The following FAM186B variants were observed in gnomAD, a reference collection of about 807,000 sequenced individuals.
FAM186B encodes the protein family with sequence similarity 186 member B.
Under a neutral mutation model 83.4 loss-of-function variants are expected in FAM186B, and 68 were observed. That is an observed-to-expected ratio of 0.81 (90% confidence interval 0.67 to 1.00). The LOEUF is 1.00. FAM186B is among the 50% of genes least tolerant of loss of function. FAM186B has a pLI of 0.00. For missense variants in FAM186B, 983 were observed against 1,099.2 expected, an observed-to-expected ratio of 0.89 and a Z score of 1.49; for synonymous variants, 389 against 422.0, an observed-to-expected ratio of 0.92 and a Z score of 0.96.
intron 5 of FAM186B, chr12:49,593,265 CA>C (rs1403456971): frequency 6.7e-6 from 1 of 150,114 alleles, no homozygotes; most frequent in Non-Finnish European, 1.5e-5. Context: ...GTATACCATG[CA>C]AATAGTAAAA....
chr12:49,589,832 T>C (rs1189714756), intron 5 of FAM186B, among the ~76,000 whole-genome samples: 1 of 151,764 alleles, frequency 6.6e-6, no homozygotes. Flanking sequence ...AATACAAAAA[T>C]TAGCTGGGTG....
intron 5 of FAM186B, among the ~76,000 whole-genome samples, chr12:49,596,500 A>T (rs1308459496): frequency 6.6e-6 from 1 of 152,062 alleles, no homozygotes; most frequent in East Asian, 1.9e-4. Context: ...AAAAAAAGAC[A>T]TAAAAATGGC....
At chr12:49,584,747 A>C (rs996943858), downstream of FAM186B, 4 of 627,324 alleles carry the variant, frequency 6.4e-6, no homozygotes, top group Non-Finnish European at 1.1e-5. Flanking sequence ...TGGACACAGA[A>C]CTGCTCAACA....
In FAM186B at chr12:49,600,615, G is replaced by C; in HGVS notation, c.1025C>G (p.Ser342Cys). The change falls in exon 4 of 7, where the codon TCT becomes TGT. Residue 342 changes from serine to cysteine, a missense_variant. By Grantham distance (112) the Ser-to-Cys change is moderately radical (BLOSUM62 -1). Transcript: ENST00000257894. The surrounding 1 kb of genome is among the most constrained non-coding windows in gnomAD (Gnocchi z 4.3). ...TTTCCTTGGGAGGGTCTCTCTCTCA[G>C]AGGGACCTGGGGAGTCAACAGAAAC... ...AEVSVDSPGP[S>C]ERETLPRKET... is the part of the protein sequence containing the mutation. The C allele has an allele frequency of 4.3e-6, 7 of 1,612,944 alleles. No individual in the cohort carries two copies. Among genetic ancestry groups the C allele is most frequent in the Non-Finnish European group, 5.9e-6 (7 of 1,179,342 alleles).
chr12:49,599,835 T>A lies in FAM186B; in HGVS notation c.1805A>T (p.Gln602Leu). ...PHLPMSPSTQQPALGKQRPMS... is the reference protein window; with the variant it reads ...PHLPMSPSTQLPALGKQRPMS... ...AGGTCTCTGCTTTCCCAGGGCAGGC[T>A]GCTGGGTACTAGGAGACATGGGCAA... Residue 602 changes from glutamine (Q) to leucine (L), a missense_variant, in exon 4 of 7, where the codon CAG becomes CTG. Gln to Leu is a moderately radical substitution (Grantham distance 113, BLOSUM62 -2). Transcript: ENST00000257894. 6.2e-7 allele frequency: 1 copy of A among 1,611,124 alleles called. No individual in the cohort carries two copies.
In FAM186B at chr12:49,605,402, G is replaced by A. The variant is rs748595481; in HGVS notation, c.76C>T (p.Gln26Ter). The change falls in exon 1 of 7, where the codon CAG becomes TAG. Residue 26 changes from glutamine to a stop codon, truncating the protein, a stop_gained. Transcript: ENST00000257894. LOFTEE classifies it high-confidence loss of function. ...GCTACCTCTTGAGCCCGAGTTAGCT[G>A]GGCAGCCTCAATCCTCAGGATGATG... Reference protein sequence around the residue: ...KAIILRIEAAQLTRAQEDIST... With the variant: ...KAIILRIEAA The A allele has an allele frequency of 9.9e-6, 16 of 1,613,354 alleles. No individual in the cohort carries two copies. The highest frequency in any genetic ancestry group is 1.1e-5 in the Non-Finnish European group (13 of 1,179,830).
At chr12:49,586,949 G>C (rs927560572), downstream of FAM186B, among the ~76,000 whole-genome samples, 9 of 152,186 alleles carry the variant, frequency 5.9e-5, no homozygotes, top group African/African-American at 2.2e-4. Flanking sequence ...GAGGCATCAG[G>C]ACCCTCTCCC....
the FAM186B span, among the ~76,000 whole-genome samples, chr12:49,618,202 G>A: frequency 6.2e-4 from 94 of 152,156 alleles, 1 homozygote; most frequent in African/African-American, 1.8e-3. Flanking sequence ...AAAATTAGCC[G>A]GGCGTGTTGG....
At chr12:49,605,072 T>G (rs1939980944) in intron 1 of FAM186B, 1 of 804,638 alleles carries the variant, frequency 1.2e-6, no homozygotes, top group Non-Finnish European at 1.7e-6. Flanking sequence ...CAAGAACAGA[T>G]TCTGGGTCCT....
At position 49,588,519 on chromosome 12, in the gene FAM186B, A is replaced by G. The variant is rs1377642015; in HGVS notation, c.2469T>C (p.Ser823=). The part of the protein sequence containing the change: ...PAASPRHIRP[S]GPTYKQPFLS... ...GAAAGGGCTGCTTGTAGGTGGGGCC[A>G]CTGGGGCGGATGTGCCGGGGTGAGG... The change falls in exon 6 of 7, where the codon AGT becomes AGC. Residue 823 remains serine (S), a synonymous_variant. Transcript: ENST00000257894. 3 of 1,613,308 alleles carry G rather than the reference A, an allele frequency of 1.9e-6. No individual in the cohort carries two copies. The highest frequency in any genetic ancestry group is 1.7e-5 in the Admixed American group (1 of 59,884).
At chr12:49,595,544 C>CT in intron 5 of FAM186B, 1 of 453,734 alleles carries the variant, frequency 2.2e-6, no homozygotes, top group Non-Finnish European at 4.4e-6. Context: ...TACACCTACT[C>CT]TGAGAATCGT....
At chr12:49,615,629 A>C in the FAM186B span, among the ~76,000 whole-genome samples, 1 of 152,116 alleles carries the variant, frequency 6.6e-6, no homozygotes, top group Non-Finnish European at 1.5e-5. Context: ...TCTCTACTAA[A>C]AATACAAAAA....
chr12:49,622,514 A>T, the FAM186B span: 1 of 152,244 alleles, frequency 6.6e-6, no homozygotes, highest in African/African-American at 2.4e-5. Context: ...CTCAAATAAG[A>T]AAAGAAAACC....
intron 5 of FAM186B, among the ~76,000 whole-genome samples, chr12:49,597,120 A>C (rs1011316637): frequency 1.3e-5 from 2 of 152,190 alleles, no homozygotes; most frequent in East Asian, 3.8e-4. Flanking sequence ...AATAGGTTAC[A>C]CCATATAGTC....
the FAM186B span, among the ~76,000 whole-genome samples, chr12:49,621,074 A>C: frequency 6.6e-6 from 1 of 152,204 alleles, no homozygotes; most frequent in Non-Finnish European, 1.5e-5. Flanking sequence ...GAATATGGCA[A>C]ATAAAAATCC....
At position 49,600,916 on chromosome 12, in the gene FAM186B, T is replaced by A. The variant is rs1324226836; in HGVS notation, c.724A>T (p.Asn242Tyr). ...AIRYMATVVENLNKALILQHK... is the reference protein window; with the variant it reads ...AIRYMATVVEYLNKALILQHK... ...TGGAGGATCAAGGCCTTGTTGAGGT[T>A]CTCCACCACAGTGGCCATGTACCTG... Residue 242 changes from asparagine (N) to tyrosine (Y), a missense_variant, in exon 4 of 7, where the codon AAC (asparagine) becomes TAC (tyrosine). By Grantham distance (143) the Asn-to-Tyr change is moderately radical. Transcript: ENST00000257894. This position sits in a 1 kb window ranked among gnomAD's most constrained non-coding sequence, Gnocchi z 4.3. 8 of 1,614,126 alleles carry A rather than the reference T, an allele frequency of 5.0e-6. No homozygotes were observed. Among genetic ancestry groups the A allele is most frequent in the Non-Finnish European group, 6.8e-6 (8 of 1,180,002 alleles).
chr12:49,594,110 C>A, intron 5 of FAM186B: 1 of 244,722 alleles, frequency 4.1e-6, no homozygotes, highest in Non-Finnish European at 8.8e-6. Context: ...GACATTCAAC[C>A]CCCAAGGCAG....
the FAM186B span, among the ~76,000 whole-genome samples, chr12:49,612,711 A>G: frequency 5.9e-5 from 9 of 152,212 alleles, no homozygotes; most frequent in Non-Finnish European, 1.2e-4. Context: ...TGCACACAAC[A>G]TTGGAGCACT....
intron 5 of FAM186B, among the ~76,000 whole-genome samples, chr12:49,595,863 T>C (rs577956047): frequency 3.9e-5 from 6 of 152,060 alleles, no homozygotes; most frequent in Non-Finnish European, 8.8e-5. Flanking sequence ...TGGGTGCCCA[T>C]AGTCCCAGCT....
Sources: gnomAD v4.1 joint callset for allele counts (sites outside exome capture counted in the v4.1 genomes callset) on GRCh38, gnomAD v4.1.1 for gene constraint, Gnocchi (gnomAD v3.1) non-coding constraint, MANE v1.5 for transcripts, NCBI Gene and HGNC (gene_info 2026-07-23, HGNC 2026-07-21) for gene names.